Variants in ITPR1 observed in about 807,000 individuals in gnomAD.
ITPR1 encodes the protein inositol 1,4,5-trisphosphate receptor type 1.
A neutral mutation model predicts 318.4 loss-of-function variants in ITPR1; 96 were observed. The ratio of observed to expected loss-of-function variants is 0.30; its 90% CI spans 0.26 to 0.36. The LOEUF is 0.36. Among genes scored for constraint, ITPR1 ranks in the 10% least tolerant of loss-of-function variants. The probability of loss-of-function intolerance (pLI) is 1.00; values close to 1 mark genes in which losing one functional copy is unlikely to be tolerated. For missense variants in ITPR1, 2,440 were observed against 3,460.2 expected, an observed-to-expected ratio of 0.71 and a Z score of 7.40; for synonymous variants, 1,312 against 1,289.9, an observed-to-expected ratio of 1.02 and a Z score of -0.37.
chr3:4,584,028 C>CT (rs1206213593), intron 4 of ITPR1, among the ~76,000 whole-genome samples: 1 of 152,108 alleles, frequency 6.6e-6, no homozygotes, highest in Non-Finnish European at 1.5e-5. Flanking sequence ...CCCAATTATC[C>CT]TTTTCATTTC....
chr3:4,828,737 C>T (rs1197414447), intron 60 of ITPR1, among the ~76,000 whole-genome samples: 1 of 152,100 alleles, frequency 6.6e-6, no homozygotes, highest in Non-Finnish European at 1.5e-5. Context: ...ATCTTTGTTG[C>T]GCTGTATCAT....
At position 4,735,145 on chromosome 3, in the gene ITPR1, C is replaced by T. The variant is rs926617738; in HGVS notation, c.5354-19C>T. The T allele has an allele frequency of 1.2e-6, 2 of 1,602,782 alleles. No homozygotes were observed. The highest frequency in any genetic ancestry group is 1.7e-6 in the Non-Finnish European group (2 of 1,170,908). On this transcript the variant is annotated intron_variant, in intron 43 of 61. Coordinates refer to ENST00000649015, the MANE Select transcript of ITPR1 (RefSeq NM_001378452.1). The stretch of plus-strand genomic sequence containing the variant: ...CTGTTCTGATTGTGCTTAGTAAAAA[C>T]AATATTCCATCTTCTTAGGGGGAGG...
At position 4,718,087 on chromosome 3, in the gene ITPR1, G is replaced by A. The variant is rs548604129; in HGVS notation, c.5136+688G>A. Among the ~76,000 whole-genome samples, 5 of 152,340 alleles carry A rather than the reference G, an allele frequency of 3.3e-5. No individual in the cohort carries two copies. The South Asian group carries it at 1.0e-3, about 32-fold the overall frequency. ...CCAGAATTACCATGGAGACTGACTA[G>A]TGGTCATTTTGTTTGGGATCTGGGG... On this transcript the variant is annotated intron_variant, in intron 40 of 61. Transcript: ENST00000649015.
At chr3:4,623,847 C>T (rs2092725695) in intron 4 of ITPR1, among the ~76,000 whole-genome samples, 1 of 152,288 alleles carries the variant, frequency 6.6e-6, no homozygotes, top group South Asian at 2.1e-4. Flanking sequence ...TTTACACAGA[C>T]AGTTGGTTGT....
Position 4,683,618 on chromosome 3 carries a change from G to A in ITPR1, c.3328-10G>A, listed in dbSNP as rs549852734. 58 of 1,614,024 alleles carry A rather than the reference G, an allele frequency of 3.6e-5. 1 individual carries two copies. The highest frequency in any genetic ancestry group is 3.3e-4 in the Middle Eastern group (2 of 6,062). On this transcript the variant is annotated splice_polypyrimidine_tract_variant and intron_variant, in intron 27 of 61. Coordinates refer to ENST00000649015, the MANE Select transcript of ITPR1 (RefSeq NM_001378452.1). ...CTGTTGTGTGCACCTAACGGATTGCGTTCATTAAGGTTCAACTGCTGGTTA... is the reference window on the plus strand; with the variant it reads ...CTGTTGTGTGCACCTAACGGATTGCATTCATTAAGGTTCAACTGCTGGTTA...
rs560588494 is a variant in ITPR1, at chr3:4,702,766, C to T, written c.4537-64C>T. On this transcript the variant is annotated intron_variant, in intron 35 of 61. Transcript: ENST00000649015. ...TCAAGACAATGTCTCTGTCTCTGAT[C>T]GGATCATCAGTAGTCTACAAATAAA... 154 of 1,536,642 alleles carry T rather than the reference C, an allele frequency of 1.0e-4. No homozygotes were observed. In the South Asian group the frequency reaches 1.5e-3, roughly 15 times the overall value.
chr3:4,761,768 G>C (rs902657471), intron 44 of ITPR1, among the ~76,000 whole-genome samples: 1 of 152,190 alleles, frequency 6.6e-6, no homozygotes, highest in Non-Finnish European at 1.5e-5. Context: ...GGGCGGGGAG[G>C]CTGTGCACCC....
chr3:4,684,228 G>T, intron 28 of ITPR1, 53 bp from the exon 29 acceptor site: 1 of 1,203,078 alleles, frequency 8.3e-7, no homozygotes, highest in South Asian at 1.3e-5. Context: ...GTAAAAAACT[G>T]ACAGTAGCCC....
intron 58 of ITPR1, 97 bp downstream of exon 58, chr3:4,814,659 G>C: frequency 8.8e-7 from 1 of 1,137,720 alleles, no homozygotes; most frequent in South Asian, 1.5e-5. Flanking sequence ...TGAAGACGCA[G>C]AGGAAGAGCT....
At chr3:4,648,333 C>T (rs1185819019) in intron 10 of ITPR1, among the ~76,000 whole-genome samples, 1 of 152,152 alleles carries the variant, frequency 6.6e-6, no homozygotes, top group Non-Finnish European at 1.5e-5. Flanking sequence ...AGGGACCTGT[C>T]AATCCTACTA....
At chr3:4,769,018 T>C (rs2046010969) in intron 46 of ITPR1, among the ~76,000 whole-genome samples, 1 of 152,002 alleles carries the variant, frequency 6.6e-6, no homozygotes, top group Non-Finnish European at 1.5e-5. Flanking sequence ...CAAGCGATTC[T>C]CCTTCCTCAG....
At chr3:4,627,315 T>C (rs1337577838) in intron 4 of ITPR1, among the ~76,000 whole-genome samples, 1 of 152,122 alleles carries the variant, frequency 6.6e-6, no homozygotes, top group Non-Finnish European at 1.5e-5. Flanking sequence ...ATATAAAAAA[T>C]TAGCCAGGCT....
In ITPR1 at chr3:4,556,405, T is replaced by A. The variant is rs112877576; in HGVS notation, c.163+35311T>A. ...ATGTATAATGGGATGTATCTATAGA[T>A]CACTGAAGTATCGTACAGAATAGTT... On this transcript the variant is annotated intron_variant, in intron 4 of 61. Transcript: ENST00000649015. Among the ~76,000 whole-genome samples the A allele has an allele frequency of 2.8e-3, 432 of 152,336 alleles. 2 individuals carry two copies. Among genetic ancestry groups the A allele is most frequent in the African/African-American group, 9.9e-3 (411 of 41,566 alleles).
chr3:4,691,420 T>C (rs956414275), intron 32 of ITPR1, 76 bp downstream of exon 32: 26 of 1,013,198 alleles, frequency 2.6e-5, no homozygotes, highest in Admixed American at 1.9e-4. Flanking sequence ...CTTATCTGTA[T>C]GAACTTGCAC....
At chr3:4,840,516 T>TCGA (rs2051266319) in intron 61 of ITPR1, among the ~76,000 whole-genome samples, 1 of 152,212 alleles carries the variant, frequency 6.6e-6, no homozygotes, top group Non-Finnish European at 1.5e-5. Context: ...ACCAGCAGAC[T>TCGA]CGAGCAACGA....
At chr3:4,611,597 T>TAAA (rs60865914) in intron 4 of ITPR1, among the ~76,000 whole-genome samples, 18 of 151,542 alleles carry the variant, frequency 1.2e-4, no homozygotes, top group South Asian at 1.0e-3. Context: ...AATAAATAAA[T>TAAA]TAGCAGGTGT....
chr3:4,686,305 C>T (rs1327706399), intron 30 of ITPR1, among the ~76,000 whole-genome samples: 3 of 152,154 alleles, frequency 2.0e-5, no homozygotes, highest in East Asian at 3.9e-4. Flanking sequence ...CCATATGAAT[C>T]GGGCAGGTCA....
At chr3:4,672,568 T>A (rs2094109297) in intron 20 of ITPR1, among the ~76,000 whole-genome samples, 1 of 152,162 alleles carries the variant, frequency 6.6e-6, no homozygotes, top group African/African-American at 2.4e-5. Flanking sequence ...ATTGGTCAGG[T>A]TCCAGTTAAC....
At chr3:4,652,327 G>T (rs56896093) in intron 11 of ITPR1, 109 bp downstream of exon 11, 1 of 710,410 alleles carries the variant, frequency 1.4e-6, no homozygotes, top group African/African-American at 1.8e-5. Flanking sequence ...AATACACTCA[G>T]TCACCTTGCT....
Sources: gnomAD v4.1 joint callset for allele counts (sites outside exome capture counted in the v4.1 genomes callset) on GRCh38, gnomAD v4.1.1 for gene constraint, MANE v1.5 for transcripts, NCBI Gene and HGNC (gene_info 2026-07-23, HGNC 2026-07-21) for gene names.